Variants in ANO2 observed in about 807,000 individuals in gnomAD.
The protein encoded by ANO2 is anoctamin 2, also known as anoctamin-2.
Under a neutral mutation model 124.2 loss-of-function variants are expected in ANO2, and 101 were observed. That is an observed-to-expected ratio of 0.81 (90% confidence interval 0.69 to 0.96). The LOEUF (loss-of-function observed/expected upper bound fraction) is 0.96. Among genes scored for constraint, ANO2 ranks in the 40% least tolerant of loss-of-function variants. The pLI is 0.00. For missense variants in ANO2, 1,293 were observed against 1,274.5 expected, an observed-to-expected ratio of 1.01 and a Z score of -0.22; for synonymous variants, 486 against 482.5, an observed-to-expected ratio of 1.01 and a Z score of -0.09.
intron 10 of ANO2, among the ~76,000 whole-genome samples, chr12:5,786,655 G>A (rs1252649607): frequency 1.3e-5 from 2 of 152,054 alleles, no homozygotes; most frequent in African/African-American, 2.4e-5. Context: ...TGCCATCACC[G>A]CTGCACATCC....
intron 5 of ANO2, 108 bp downstream of exon 5, chr12:5,832,344 G>A: frequency 7.6e-7 from 1 of 1,312,290 alleles, no homozygotes; most frequent in Non-Finnish European, 1.1e-6. Context: ...CTCTCTCCCA[G>A]GCACTGGGGC....
intron 14 of ANO2, among the ~76,000 whole-genome samples, chr12:5,676,165 T>C (rs1246870305): frequency 6.6e-6 from 1 of 152,176 alleles, no homozygotes; most frequent in Non-Finnish European, 1.5e-5. Flanking sequence ...TGGCCTCTCC[T>C]GGAGGGGAAG....
In ANO2 at chr12:5,900,653, G is replaced by A. The variant is rs1266098864; in HGVS notation, c.534+20387C>T. ...TTTGCTCTACCTCCGCATTTAACGTGTGGTCCCTGCCATCCTGGCACAGCC... is the reference window on the plus strand; with the variant it reads ...TTTGCTCTACCTCCGCATTTAACGTATGGTCCCTGCCATCCTGGCACAGCC... On this transcript the variant is annotated intron_variant, in intron 3 of 24. Transcript: ENST00000682330. This position sits in a 1 kb window ranked among gnomAD's most constrained non-coding sequence, Gnocchi z 4.2. Among the ~76,000 whole-genome samples, 3 of 151,586 alleles carry A rather than the reference G, an allele frequency of 2.0e-5. No individual in the cohort carries two copies. The highest frequency in any genetic ancestry group is 2.0e-4 in the Admixed American group (3 of 15,260).
chr12:5,770,358 T>C (rs1952039896), intron 10 of ANO2, among the ~76,000 whole-genome samples: 1 of 152,210 alleles, frequency 6.6e-6, no homozygotes, highest in African/African-American at 2.4e-5. Context: ...CGTGAGTGGC[T>C]AACAAGGGTC....
intron 1 of ANO2, among the ~76,000 whole-genome samples, chr12:5,936,464 A>C (rs1942657696): frequency 6.6e-6 from 1 of 152,214 alleles, no homozygotes; most frequent in Middle Eastern, 3.4e-3. Flanking sequence ...AACAGGCTAG[A>C]CCCTCTTTTT....
intron 14 of ANO2, among the ~76,000 whole-genome samples, chr12:5,661,673 T>TGGA (rs1226601020): frequency 1.3e-5 from 2 of 152,128 alleles, no homozygotes; most frequent in African/African-American, 4.8e-5. Context: ...TGGGTCCCAC[T>TGGA]TTAGCTAATC....
At position 5,578,097 on chromosome 12, in the gene ANO2, A is replaced by G. The variant is rs1591655165; in HGVS notation, c.2387-90T>C. The stretch of plus-strand genomic sequence containing the variant: ...AGCTCCAGGTGATGTTTTGCAGGTG[A>G]ACTACGGAGCAGCTTTGCTGGGCCC... On this transcript the variant is annotated intron_variant, in intron 21 of 24. Transcript: ENST00000682330. The G allele has an allele frequency of 4.7e-6, 7 of 1,483,618 alleles. No individual in the cohort carries two copies. In the East Asian group the frequency reaches 1.6e-4, roughly 34 times the overall value. 91.9% of individuals were successfully genotyped at this position (1,483,618 alleles called of 1,614,324 possible).
chr12:5,709,536 G>A (rs1485513868), intron 14 of ANO2, among the ~76,000 whole-genome samples: 1 of 152,202 alleles, frequency 6.6e-6, no homozygotes, highest in Non-Finnish European at 1.5e-5. Flanking sequence ...ACTGGACTCA[G>A]GTTCCATTTG....
At chr12:5,945,406 G>A, upstream of ANO2, 1 of 492,592 alleles carries the variant, frequency 2.0e-6, no homozygotes, top group South Asian at 6.6e-5. Flanking sequence ...TCCCCGCTGC[G>A]CCCTGGGCGC....
chr12:5,829,165 C>T (rs1052576914), intron 6 of ANO2, among the ~76,000 whole-genome samples: 2 of 152,090 alleles, frequency 1.3e-5, no homozygotes, highest in Non-Finnish European at 2.9e-5. Context: ...TGCAGTAATT[C>T]AACAGCAATA....
intron 16 of ANO2, among the ~76,000 whole-genome samples, chr12:5,626,314 T>G (rs924711475): frequency 1.3e-5 from 2 of 152,110 alleles, no homozygotes; most frequent in Admixed American, 6.5e-5. Context: ...GATGGCATCC[T>G]GGAGATGCGG....
intron 19 of ANO2, among the ~76,000 whole-genome samples, chr12:5,604,257 A>G (rs952886066): frequency 2.0e-5 from 3 of 152,174 alleles, no homozygotes; most frequent in Non-Finnish European, 2.9e-5. Context: ...AGAGAATACA[A>G]CGTAAGAGGC....
intron 15 of ANO2, among the ~76,000 whole-genome samples, chr12:5,637,339 ATG>A (rs10700184): frequency 1.6e-4 from 24 of 149,026 alleles, no homozygotes; most frequent in South Asian, 4.3e-4. Context: ...GAGTGAGTGA[ATG>A]TGTGTGTGTG....
rs370031229 is a variant in ANO2 at position 5,819,240 on chromosome 12, C to A, written c.892+8529G>T. On this transcript the variant is annotated intron_variant, in intron 7 of 24. Coordinates refer to ENST00000682330, the MANE Select transcript of ANO2 (RefSeq NM_001364791.2). ...TTCTAGACCTATAAATAGACTGAAG[C>A]CCCAGTGGGCCCTTAGATGTGAGGT... Among the ~76,000 whole-genome samples the A allele has an allele frequency of 1.2e-4, 18 of 152,248 alleles. No homozygotes were observed. The East Asian group carries it at 2.1e-3, about 18-fold the overall frequency.
intron 22 of ANO2, 39 bp downstream of exon 22, chr12:5,577,916 T>TA (rs1245637079): frequency 1.2e-6 from 2 of 1,601,126 alleles, no homozygotes; most frequent in African/African-American, 2.7e-5. Context: ...CTGGAAGCCC[T>TA]TCCCACAGAG....
chr12:5,933,344 A>G (rs76855280), intron 1 of ANO2, among the ~76,000 whole-genome samples: 7,380 of 152,108 alleles, frequency 0.049, 198 homozygotes, highest in South Asian at 0.11. Context: ...CAACCATACA[A>G]CCACCCCAAA....
At chr12:5,672,081 T>A (rs779829710) in intron 14 of ANO2, among the ~76,000 whole-genome samples, 1 of 152,142 alleles carries the variant, frequency 6.6e-6, no homozygotes, top group Non-Finnish European at 1.5e-5. Context: ...TCATCCAAGT[T>A]TCCACCTTAA....
At chr12:5,805,958 G>A in intron 9 of ANO2, 94 bp downstream of exon 9, 2 of 1,260,828 alleles carry the variant, frequency 1.6e-6, no homozygotes, top group African/African-American at 1.5e-5. Flanking sequence ...AGATAAGCAG[G>A]TAAAGAGAAC....
At chr12:5,807,796 G>A (rs1019578837) in intron 7 of ANO2, among the ~76,000 whole-genome samples, 1 of 152,210 alleles carries the variant, frequency 6.6e-6, no homozygotes, top group African/African-American at 2.4e-5. Context: ...ACAAGGCAGC[G>A]TTCGCTGTGA....
Sources: allele counts gnomAD v4.1 joint callset (sites outside exome capture counted in the v4.1 genomes callset), GRCh38; gene constraint gnomAD v4.1.1; non-coding constraint Gnocchi (gnomAD v3.1); transcripts MANE v1.5; gene names NCBI Gene and HGNC (gene_info 2026-07-23, HGNC 2026-07-21).